Variants in SLC44A5 observed in about 807,000 individuals in gnomAD.
SLC44A5 encodes the protein choline transporter-like protein 5.
SLC44A5 carries 57 observed loss-of-function variants against 101.8 expected under a neutral mutation model. That is an observed-to-expected ratio of 0.56 (90% CI 0.45 to 0.70). The LOEUF is 0.70. Ranked by LOEUF, SLC44A5 falls within the 30% of genes least tolerant of loss-of-function variation. The pLI is 0.00. For synonymous variants in SLC44A5, 281 were observed against 290.9 expected, an observed-to-expected ratio of 0.97 and a Z score of 0.35; for missense variants, 737 against 853.1, an observed-to-expected ratio of 0.86 and a Z score of 1.70.
At chr1:75,597,368 T>G (rs543975559) in intron 1 of SLC44A5, among the ~76,000 whole-genome samples, 1 of 152,156 alleles carries the variant, frequency 6.6e-6, no homozygotes, top group Non-Finnish European at 1.5e-5. Flanking sequence ...AAAATGGCCA[T>G]GCTGCCCAAA....
intron 6 of SLC44A5, among the ~76,000 whole-genome samples, chr1:75,274,158 C>T (rs1651725495): frequency 1.3e-5 from 2 of 151,492 alleles, no homozygotes; most frequent in African/African-American, 2.4e-5. Context: ...TCTTGGAAGT[C>T]AGGGGTGTGG....
intron 2 of SLC44A5, among the ~76,000 whole-genome samples, chr1:75,420,707 C>CT (rs200179458): frequency 0.026 from 4,021 of 152,106 alleles, 77 homozygotes; most frequent in Non-Finnish European, 0.042. Flanking sequence ...AAGAGAAATA[C>CT]TTTTTTGTTG....
At chr1:75,231,528 A>T (rs1229911667) in intron 12 of SLC44A5, among the ~76,000 whole-genome samples, 1 of 152,130 alleles carries the variant, frequency 6.6e-6, no homozygotes, top group African/African-American at 2.4e-5. Flanking sequence ...ATTTTTAAAA[A>T]TTATGATCTC....
chr1:75,483,856 C>T (rs1373232142), intron 2 of SLC44A5, among the ~76,000 whole-genome samples: 5 of 151,976 alleles, frequency 3.3e-5, no homozygotes, highest in South Asian at 4.2e-4. Context: ...TGGCAGAAGG[C>T]GAAGGGGAAG....
At chr1:75,296,654 C>T (rs1653992765) in intron 5 of SLC44A5, among the ~76,000 whole-genome samples, 1 of 152,076 alleles carries the variant, frequency 6.6e-6, no homozygotes, top group Non-Finnish European at 1.5e-5. Flanking sequence ...TGCCCTGCCC[C>T]CCTGCTTCCA....
At chr1:75,317,341 G>A (rs979897470) in intron 4 of SLC44A5, among the ~76,000 whole-genome samples, 1 of 152,186 alleles carries the variant, frequency 6.6e-6, no homozygotes, top group African/African-American at 2.4e-5. Context: ...ACATGAGTGA[G>A]AAGGGAATAG....
At chr1:75,563,647 G>A (rs888829189) in intron 1 of SLC44A5, among the ~76,000 whole-genome samples, 1 of 151,902 alleles carries the variant, frequency 6.6e-6, no homozygotes, top group African/African-American at 2.4e-5. Flanking sequence ...TGTTCTAGAG[G>A]AACTTACAAG....
At chr1:75,240,345 A>T (rs1397756747) in intron 9 of SLC44A5, among the ~76,000 whole-genome samples, 1 of 152,004 alleles carries the variant, frequency 6.6e-6, no homozygotes, top group Non-Finnish European at 1.5e-5. Flanking sequence ...GTGCTATTTA[A>T]TCTTATATTA....
chr1:75,299,440 G>A (rs1484076125), intron 5 of SLC44A5, among the ~76,000 whole-genome samples: 1 of 152,052 alleles, frequency 6.6e-6, no homozygotes, highest in African/African-American at 2.4e-5. Flanking sequence ...TGAAGAGCAG[G>A]GAAAAATGTT....
chr1:75,537,886 TC>T (rs1671142458), intron 2 of SLC44A5: 1 of 152,248 alleles, frequency 6.6e-6, no homozygotes, highest in East Asian at 1.9e-4. Flanking sequence ...AAGAATAATT[TC>T]TTTCTTTAGC....
At chr1:75,330,929 G>A (rs1005139583) in intron 4 of SLC44A5, among the ~76,000 whole-genome samples, 7 of 149,616 alleles carry the variant, frequency 4.7e-5, no homozygotes, top group Non-Finnish European at 1.0e-4. Context: ...AACCACAACA[G>A]AACAAAAACC....
chr1:75,580,837 C>CAA (rs11441546), intron 1 of SLC44A5, among the ~76,000 whole-genome samples: 160 of 115,800 alleles, frequency 1.4e-3, no homozygotes, highest in African/African-American at 3.6e-3. Flanking sequence ...GACTCTGTCT[C>CAA]AAAAAAAAAA....
chr1:75,333,516 G>A (rs755867470), intron 4 of SLC44A5, among the ~76,000 whole-genome samples: 37 of 147,788 alleles, frequency 2.5e-4, no homozygotes, highest in Admixed American at 4.1e-4. Context: ...TGATAATTAC[G>A]CAAATAACCT....
the SLC44A5 span, among the ~76,000 whole-genome samples, chr1:75,645,700 C>T: frequency 7.2e-6 from 1 of 139,370 alleles, no homozygotes; most frequent in Non-Finnish European, 1.6e-5. Context: ...GAAGTCCTTG[C>T]CCATGCCTAT....
the SLC44A5 span, among the ~76,000 whole-genome samples, chr1:75,619,553 T>TA: frequency 2.6e-5 from 4 of 151,940 alleles, no homozygotes; most frequent in Non-Finnish European, 5.9e-5. Flanking sequence ...ATTAATACAT[T>TA]AAAAAAACAA....
At chr1:75,349,942 A>G (rs1235858095) in intron 3 of SLC44A5, among the ~76,000 whole-genome samples, 2 of 152,188 alleles carry the variant, frequency 1.3e-5, no homozygotes, top group African/African-American at 2.4e-5. Context: ...AATTTGGTCC[A>G]TCTATAATCA....
chr1:75,646,949 TG>T, the SLC44A5 span, among the ~76,000 whole-genome samples: 1 of 152,178 alleles, frequency 6.6e-6, no homozygotes, highest in East Asian at 1.9e-4. Context: ...ATCCATTTTC[TG>T]ATGAGAAATT....
At chr1:75,361,149 G>C (rs761776928) in intron 3 of SLC44A5, among the ~76,000 whole-genome samples, 1 of 151,914 alleles carries the variant, frequency 6.6e-6, no homozygotes, top group East Asian at 1.9e-4. Context: ...TTTTCGTGTT[G>C]AGTTTGTATC....
intron 6 of SLC44A5, among the ~76,000 whole-genome samples, chr1:75,274,115 T>C (rs891786080): frequency 1.3e-5 from 2 of 152,066 alleles, no homozygotes; most frequent in African/African-American, 4.8e-5. Context: ...ACAACATAAC[T>C]GAAGTGTCCT....
Sources: gnomAD v4.1 joint callset for allele counts (sites outside exome capture counted in the v4.1 genomes callset) on GRCh38, gnomAD v4.1.1 for gene constraint, MANE v1.5 for transcripts, NCBI Gene and HGNC (gene_info 2026-07-23, HGNC 2026-07-21) for gene names.